FBRSL1: variants seen among roughly 807,000 people sequenced by gnomAD.
FBRSL1 encodes fibrosin-1-like protein.
FBRSL1 carries 51 observed loss-of-function variants against 89.6 expected under a neutral mutation model. The ratio of observed to expected loss-of-function variants is 0.57; its 90% confidence interval spans 0.45 to 0.72. The LOEUF is 0.72. Among genes scored for constraint, FBRSL1 ranks in the 30% least tolerant of loss-of-function variants. The pLI is 0.00. For missense variants in FBRSL1, 1,618 were observed against 1,451.8 expected, an observed-to-expected ratio of 1.11 and a Z score of -1.86; for synonymous variants, 779 against 681.1, an observed-to-expected ratio of 1.14 and a Z score of -2.24.
At chr12:132,576,702 T>C in intron 14 of FBRSL1, 97 bp from the exon 15 acceptor site, 2 of 1,373,218 alleles carry the variant, frequency 1.5e-6, no homozygotes, top group Non-Finnish European at 2.0e-6. Flanking sequence ...CTTACTGGAC[T>C]GGCTCACACC....
intron 4 of FBRSL1, among the ~76,000 whole-genome samples, chr12:132,542,961 A>T (rs1040802472): frequency 1.1e-4 from 17 of 152,182 alleles, no homozygotes; most frequent in South Asian, 4.1e-4. Context: ...CCCCAACCCC[A>T]ACCCGTAGCC....
chr12:132,516,144 A>G, intron 2 of FBRSL1, among the ~76,000 whole-genome samples: 1 of 152,124 alleles, frequency 6.6e-6, no homozygotes, highest in East Asian at 1.9e-4. Context: ...TGGGCAAATT[A>G]CTTGGAAAAC....
Position 132,499,781 on chromosome 12 carries a change from G to A in FBRSL1, c.292-8372G>A, listed in dbSNP as rs116072669. On this transcript the variant is annotated intron_variant, in intron 1 of 18. Coordinates refer to ENST00000680143, the MANE Select transcript of FBRSL1 (RefSeq NM_001367871.1). This position sits in a 1 kb window ranked among gnomAD's most constrained non-coding sequence, Gnocchi z 4.3. ...TGAGATCAGGTGCTCTGGGGACTCAGGGCAAATGGGGTACTTGGTTCCACG... is the reference window on the plus strand; with the variant it reads ...TGAGATCAGGTGCTCTGGGGACTCAAGGCAAATGGGGTACTTGGTTCCACG... Among the ~76,000 whole-genome samples, 686 of 152,246 alleles carry A rather than the reference G, an allele frequency of 4.5e-3. 2 individuals are homozygous for A. The highest frequency in any genetic ancestry group is 0.016 in the African/African-American group (648 of 41,528).
intron 4 of FBRSL1, among the ~76,000 whole-genome samples, chr12:132,538,268 G>A (rs893018632): frequency 1.3e-5 from 2 of 152,234 alleles, no homozygotes; most frequent in African/African-American, 2.4e-5. Flanking sequence ...GGCTCTCCAG[G>A]CCTGCTCCCT....
intron 4 of FBRSL1, among the ~76,000 whole-genome samples, chr12:132,545,993 G>A (rs932753158): frequency 2.6e-5 from 4 of 152,172 alleles, no homozygotes; most frequent in African/African-American, 7.2e-5. Context: ...ACTCCCTCTC[G>A]GCCCTCCCCA....
intron 2 of FBRSL1, among the ~76,000 whole-genome samples, chr12:132,523,684 T>C (rs1284221668): frequency 6.6e-6 from 1 of 152,222 alleles, no homozygotes; most frequent in Non-Finnish European, 1.5e-5. Flanking sequence ...CCTGAGCCTC[T>C]GTCCCTAGAA....
chr12:132,496,083 G>GT (rs1319510936), intron 1 of FBRSL1, among the ~76,000 whole-genome samples: 1 of 152,214 alleles, frequency 6.6e-6, no homozygotes, highest in Non-Finnish European at 1.5e-5. Context: ...GCTACGCCGC[G>GT]TGCCTGCACC....
intron 5 of FBRSL1, chr12:132,551,880 C>A: frequency 3.5e-6 from 1 of 289,742 alleles, no homozygotes; most frequent in South Asian, 3.2e-5. Context: ...TAGGCAGCCG[C>A]CAGGTGGTGG....
At chr12:132,524,410 G>T (rs1395184276) in intron 2 of FBRSL1, among the ~76,000 whole-genome samples, 1 of 152,234 alleles carries the variant, frequency 6.6e-6, no homozygotes, top group Non-Finnish European at 1.5e-5. Flanking sequence ...CCCTTAATTC[G>T]CACTGGCACC....
At chr12:132,571,716 C>T (rs113439495) in intron 9 of FBRSL1, 9 of 385,012 alleles carry the variant, frequency 2.3e-5, no homozygotes, top group African/African-American at 4.3e-5. Flanking sequence ...CCATGAGGCC[C>T]CCACCCTCGG....
In FBRSL1 at chr12:132,490,489, C is replaced by G; in HGVS notation, c.-82C>G. 1 of 928,294 alleles carries G rather than the reference C, an allele frequency of 1.1e-6. No individual in the cohort carries two copies. Among genetic ancestry groups the G allele is most frequent in the Non-Finnish European group, 1.3e-6 (1 of 781,918 alleles). 57.5% of individuals were successfully genotyped at this position (928,294 alleles called of 1,614,324 possible). On this transcript the variant is annotated 5_prime_UTR_variant, in exon 1 of 19. Transcript: ENST00000680143. ...GCGGCGCACACTCAGCCCGGCGGCG[C>G]CGCGTAGCCGAGGGAGCCCGCCTGC...
At chr12:132,545,099 G>A (rs146514015) in intron 4 of FBRSL1, among the ~76,000 whole-genome samples, 28 of 152,050 alleles carry the variant, frequency 1.8e-4, no homozygotes, top group African/African-American at 6.8e-4. Flanking sequence ...TCAGGGCCTC[G>A]CCCAGTGTGG....
chr12:132,525,967 T>G, intron 3 of FBRSL1, 144 bp downstream of exon 3: 1 of 663,160 alleles, frequency 1.5e-6, no homozygotes, highest in Non-Finnish European at 2.6e-6. Context: ...CTGGGCCCCC[T>G]GCCCGCTGCA....
At chr12:132,547,912 C>A in intron 4 of FBRSL1, 91 bp from the exon 5 acceptor site, 2 of 1,418,032 alleles carry the variant, frequency 1.4e-6, no homozygotes, top group Non-Finnish European at 1.9e-6. Context: ...GCCGCCCCAC[C>A]CGTGCCCCTG....
chr12:132,536,090 G>A (rs1057460836), intron 4 of FBRSL1, among the ~76,000 whole-genome samples: 3 of 151,020 alleles, frequency 2.0e-5, no homozygotes, highest in African/African-American at 7.3e-5. Context: ...GTGTGTACAT[G>A]GTGTGTGTGT....
At chr12:132,538,945 G>A (rs938475289) in intron 4 of FBRSL1, among the ~76,000 whole-genome samples, 1 of 152,116 alleles carries the variant, frequency 6.6e-6, no homozygotes, top group Admixed American at 6.5e-5. Context: ...ACCGGAGGGT[G>A]AGAGTGGCCT....
intron 14 of FBRSL1, among the ~76,000 whole-genome samples, chr12:132,575,121 T>C (rs1188018723): frequency 6.6e-6 from 1 of 152,166 alleles, no homozygotes; most frequent in Non-Finnish European, 1.5e-5. Context: ...ACCCTGCACC[T>C]CTGCTGTCCC....
chr12:132,564,304 A>G (rs1392990962), intron 5 of FBRSL1, among the ~76,000 whole-genome samples: 1 of 152,146 alleles, frequency 6.6e-6, no homozygotes, highest in Non-Finnish European at 1.5e-5. Context: ...CGTGGGATTC[A>G]GGGGAAGCAG....
intron 1 of FBRSL1, among the ~76,000 whole-genome samples, chr12:132,505,913 G>C (rs1178022104): frequency 2.0e-5 from 3 of 152,256 alleles, no homozygotes; most frequent in Non-Finnish European, 2.9e-5. Flanking sequence ...TGCTGGGACA[G>C]CCCTCCCAGA....
Sources: allele counts gnomAD v4.1 joint callset (sites outside exome capture counted in the v4.1 genomes callset), GRCh38; gene constraint gnomAD v4.1.1; non-coding constraint Gnocchi (gnomAD v3.1); transcripts MANE v1.5; gene names NCBI Gene and HGNC (gene_info 2026-07-23, HGNC 2026-07-21).